Variants in SNX4 observed in about 807,000 individuals in gnomAD.
SNX4 encodes sorting nexin-4.
SNX4 carries 49 observed loss-of-function variants against 70.8 expected under a neutral mutation model. That is an observed-to-expected ratio of 0.69 (90% CI 0.55 to 0.88). The LOEUF (loss-of-function observed/expected upper bound fraction) is 0.88. Among genes scored for constraint, SNX4 ranks in the 40% least tolerant of loss-of-function variants. The pLI is 0.00. For missense variants in SNX4, 528 were observed against 544.8 expected (o/e 0.97, Z 0.31); for synonymous variants, 206 against 183.8 (o/e 1.12, Z -0.98).
chr3:125,491,478 G>A lies in SNX4; in HGVS notation c.598-2015C>T, dbSNP rs548492187. The stretch of plus-strand genomic sequence containing the variant: ...TCACCAATTTACCAATTTTTTAAAA[G>A]TCATATAAATGTAAAGGGTCACCAT... On this transcript the variant is annotated intron_variant, in intron 5 of 13. Transcript: ENST00000251775. Among the ~76,000 whole-genome samples the A allele has an allele frequency of 2.6e-5, 4 of 152,202 alleles. No individual in the cohort carries two copies. In the South Asian group the frequency reaches 8.3e-4, roughly 32 times the overall value.
chr3:125,485,925 C>A (rs1164173165), intron 6 of SNX4, among the ~76,000 whole-genome samples: 2 of 152,148 alleles, frequency 1.3e-5, no homozygotes, highest in Non-Finnish European at 2.9e-5. Context: ...ACTGCAACCT[C>A]CGCCTCCCGG....
At chr3:125,465,799 C>T (rs1211313671) in intron 9 of SNX4, among the ~76,000 whole-genome samples, 1 of 152,110 alleles carries the variant, frequency 6.6e-6, no homozygotes, top group Admixed American at 6.6e-5. Flanking sequence ...TGCGCCACCA[C>T]ACCCGGCTAA....
Position 125,457,278 on chromosome 3 carries a change from T to C in SNX4, c.1032A>G (p.Glu344=). 6.2e-7 allele frequency: 1 copy of C among 1,613,324 alleles called. No homozygotes were observed. The highest frequency in any genetic ancestry group is 8.5e-7 in the Non-Finnish European group (1 of 1,179,342). The stretch of plus-strand genomic sequence containing the variant: ...GGAAAATACTCACCCCAGTTACCAG[T>C]TCCTCACACTGCTGCTTCTTGGATG... ...DLASKKQQCE[E]LVTGTVRTFS... Residue 344 remains glutamate, a synonymous_variant, in exon 11 of 14, where the codon GAA becomes GAG. Transcript: ENST00000251775.
chr3:125,486,334 C>G (rs780194261), intron 6 of SNX4, among the ~76,000 whole-genome samples: 5 of 152,060 alleles, frequency 3.3e-5, no homozygotes, highest in African/African-American at 4.8e-5. Context: ...AAGAAAAAAA[C>G]TATCACTTTA....
chr3:125,471,851 C>CT (rs1407518693), intron 8 of SNX4, among the ~76,000 whole-genome samples: 1 of 152,130 alleles, frequency 6.6e-6, no homozygotes, highest in East Asian at 1.9e-4. Flanking sequence ...GGGAATAGCC[C>CT]TTTTTTAGGC....
At position 125,497,843 on chromosome 3, in the gene SNX4, A is replaced by G; in HGVS notation, c.540T>C (p.Phe180=). 6.2e-7 allele frequency: 1 copy of G among 1,600,056 alleles called. No individual in the cohort carries two copies. The highest frequency in any genetic ancestry group is 8.5e-7 in the Non-Finnish European group (1 of 1,176,122). The change falls in exon 4 of 14, where the codon TTT becomes TTC. Residue 180 remains phenylalanine (F), a synonymous_variant. Coordinates refer to ENST00000251775, the MANE Select transcript of SNX4 (RefSeq NM_003794.4). ...ILCRDKIFYL[F]LTQEGNWKET... ...AATAAAAGAAAAATACCTGTGTTAA[A>G]AACAGATAGAAGATTTTGTCTCTAC...
chr3:125,458,961 G>A (rs1402348354), intron 10 of SNX4, among the ~76,000 whole-genome samples: 1 of 151,834 alleles, frequency 6.6e-6, no homozygotes, highest in Non-Finnish European at 1.5e-5. Context: ...ATCACCTGAG[G>A]TCAGGAGTTC....
At position 125,470,804 on chromosome 3, in the gene SNX4, T is replaced by C. The variant is rs190836894; in HGVS notation, c.789-1285A>G. 5.7e-4 allele frequency among the ~76,000 whole-genome samples: 87 copies of C among 152,300 alleles called. 1 individual carries two copies. The highest frequency in any genetic ancestry group is 1.9e-3 in the African/African-American group (79 of 41,570). On this transcript the variant is annotated intron_variant, in intron 8 of 13. Coordinates refer to ENST00000251775, the MANE Select transcript of SNX4 (RefSeq NM_003794.4). Reference sequence around the variant, plus strand: ...AACAGGTCTGTGCAAATAGGTTCTATTTGTTTATATTTCTGTACGAGACTT... The same window carrying C: ...AACAGGTCTGTGCAAATAGGTTCTACTTGTTTATATTTCTGTACGAGACTT...
intron 5 of SNX4, among the ~76,000 whole-genome samples, chr3:125,496,697 C>T (rs1210597528): frequency 6.6e-6 from 1 of 152,190 alleles, no homozygotes; most frequent in African/African-American, 2.4e-5. Flanking sequence ...CAGCTTACCA[C>T]TACTAATGCT....
intron 1 of SNX4, among the ~76,000 whole-genome samples, chr3:125,513,303 T>A (rs1935208910): frequency 6.6e-6 from 1 of 152,246 alleles, no homozygotes. Flanking sequence ...TGCCAGTTCC[T>A]TAATCTTGGA....
chr3:125,457,877 C>G (rs7636858), intron 10 of SNX4, among the ~76,000 whole-genome samples: 69,657 of 151,678 alleles, frequency 0.46, 16,200 homozygotes, highest in African/African-American at 0.53. Context: ...TGTACCCGGC[C>G]AAAAACGTCA....
intron 11 of SNX4, among the ~76,000 whole-genome samples, chr3:125,456,801 C>T (rs1041780363): frequency 1.3e-5 from 2 of 152,258 alleles, no homozygotes; most frequent in African/African-American, 2.4e-5. Flanking sequence ...GCTGGGACTA[C>T]AGGCGTGAGG....
At chr3:125,453,748 A>C (rs370427932) in intron 12 of SNX4, 62 bp downstream of exon 12, 13 of 1,426,054 alleles carry the variant, frequency 9.1e-6, no homozygotes, top group Non-Finnish European at 1.2e-5. Context: ...TAAATAAATA[A>C]ATAAAATAAT....
chr3:125,450,145 G>A (rs1933537787), intron 13 of SNX4, among the ~76,000 whole-genome samples: 2 of 152,186 alleles, frequency 1.3e-5, no homozygotes, highest in South Asian at 4.1e-4. Context: ...CTGCAGGCAA[G>A]AAGAGGTGAC....
At chr3:125,454,000 A>G in intron 11 of SNX4, 45 bp from the exon 12 acceptor site, 1 of 1,458,248 alleles carries the variant, frequency 6.9e-7, no homozygotes, top group South Asian at 1.2e-5. Flanking sequence ...AAAATGCGGC[A>G]TACACATACA....
intron 8 of SNX4, among the ~76,000 whole-genome samples, chr3:125,472,951 T>G (rs1934211294): frequency 6.6e-6 from 1 of 151,800 alleles, no homozygotes; most frequent in Admixed American, 6.6e-5. Context: ...CCCCAGCCTC[T>G]TCTCAAAAAA....
chr3:125,457,228 G>T, intron 11 of SNX4, 38 bp downstream of exon 11: 1 of 1,391,762 alleles, frequency 7.2e-7, no homozygotes, highest in Non-Finnish European at 1.0e-6. Context: ...ATTCCGTGTT[G>T]CTACAGTATC....
Position 125,451,301 on chromosome 3 carries a change from C to T in SNX4, c.1305+4G>A, listed in dbSNP as rs1419425498. ...TATCTTCACTGAAACAGGAAAAACCCTACCTTTTTGCACATACTGATCTGC... is the reference window on the plus strand; with the variant it reads ...TATCTTCACTGAAACAGGAAAAACCTTACCTTTTTGCACATACTGATCTGC... On this transcript the variant is annotated splice_donor_region_variant and intron_variant, in intron 13 of 13. Coordinates refer to ENST00000251775, the MANE Select transcript of SNX4 (RefSeq NM_003794.4). 3.1e-6 allele frequency: 5 copies of T among 1,599,834 alleles called. No homozygotes were observed. The South Asian group carries it at 3.3e-5, about 11-fold the overall frequency.
At chr3:125,457,572 C>CTTTTTT (rs1005344428) in intron 10 of SNX4, among the ~76,000 whole-genome samples, 1 of 110,434 alleles carries the variant, frequency 9.1e-6, no homozygotes, top group Non-Finnish European at 1.8e-5. Context: ...TTCATATATT[C>CTTTTTT]TTTTTTTTTT....
Sources: allele counts gnomAD v4.1 joint callset (sites outside exome capture counted in the v4.1 genomes callset), GRCh38; gene constraint gnomAD v4.1.1; transcripts MANE v1.5; gene names NCBI Gene and HGNC (gene_info 2026-07-23, HGNC 2026-07-21).